The following MAPT variants were observed in gnomAD, a reference collection of about 807,000 sequenced individuals.
MAPT encodes microtubule associated protein tau, also known as microtubule-associated protein tau.
In MAPT, 34 loss-of-function variants were observed where a neutral mutation model predicts 67.9. That is an observed-to-expected ratio of 0.50 (90% confidence interval 0.38 to 0.67). MAPT has a LOEUF of 0.67. Ranked by LOEUF, MAPT falls within the 30% of genes least tolerant of loss-of-function variation. The pLI is 0.00. For missense variants in MAPT, 881 were observed against 1,115.2 expected (o/e 0.79, Z 2.99); for synonymous variants, 456 against 464.5 (o/e 0.98, Z 0.23).
chr17:45,970,227 T>C (rs1391300467), intron 2 of MAPT, among the ~76,000 whole-genome samples: 1 of 152,238 alleles, frequency 6.6e-6, no homozygotes, highest in East Asian at 1.9e-4. Context: ...CATCCAATTA[T>C]ACCTCCATCC....
chr17:45,928,685 TA>T (rs2066576754), intron 1 of MAPT, among the ~76,000 whole-genome samples: 1 of 152,056 alleles, frequency 6.6e-6, no homozygotes, highest in African/African-American at 2.4e-5. Flanking sequence ...TACATATATA[TA>T]TTTTGTTTGT....
At chr17:45,985,972 G>T (rs2145689829) in intron 5 of MAPT, among the ~76,000 whole-genome samples, 1 of 152,320 alleles carries the variant, frequency 6.6e-6, no homozygotes, top group African/African-American at 2.4e-5. Flanking sequence ...GGGGTAGAGG[G>T]AATGTGATAT....
intron 7 of MAPT, chr17:45,990,575 C>A: frequency 2.5e-6 from 1 of 396,772 alleles, no homozygotes; most frequent in Non-Finnish European, 5.0e-6. Context: ...CCAGCTTGGG[C>A]GACAGAGCAA....
At position 46,002,777 on chromosome 17, in the gene MAPT, T is replaced by G. The variant is rs532353438; in HGVS notation, c.1998+6113T>G. 5.3e-5 allele frequency among the ~76,000 whole-genome samples: 8 copies of G among 152,176 alleles called. No individual in the cohort carries two copies. The East Asian group carries it at 1.5e-3, about 29-fold the overall frequency. On this transcript the variant is annotated intron_variant, in intron 9 of 12. Coordinates refer to ENST00000262410, the MANE Select transcript of MAPT (RefSeq NM_001377265.1). ...CTGGGTGGCTGCTTCCTTCCCTGTGTGTATTGATTTGTTTCTCTTTTTTGA... is the reference window on the plus strand; with the variant it reads ...CTGGGTGGCTGCTTCCTTCCCTGTGGGTATTGATTTGTTTCTCTTTTTTGA...
intron 11 of MAPT, among the ~76,000 whole-genome samples, chr17:46,016,168 G>A (rs2076164738): frequency 6.6e-6 from 1 of 152,192 alleles, no homozygotes; most frequent in Admixed American, 6.5e-5. Flanking sequence ...GGGGTGGGCA[G>A]ATTGCCTGAG....
At chr17:45,959,785 A>G (rs1459322755) in intron 1 of MAPT, among the ~76,000 whole-genome samples, 1 of 152,182 alleles carries the variant, frequency 6.6e-6, no homozygotes, top group African/African-American at 2.4e-5. Flanking sequence ...CCATCTAAAA[A>G]AAAAAAATTA....
chr17:45,970,071 T>A (rs1270925405), intron 2 of MAPT, among the ~76,000 whole-genome samples: 1 of 147,990 alleles, frequency 6.8e-6, no homozygotes, highest in South Asian at 2.1e-4. Flanking sequence ...CATCCATCCA[T>A]TCATCTATCC....
Position 45,914,743 on chromosome 17 carries a change from C to T in MAPT, c.-18+20057C>T, listed in dbSNP as rs2065055362. On this transcript the variant is annotated intron_variant, in intron 1 of 12. Coordinates refer to ENST00000262410, the MANE Select transcript of MAPT (RefSeq NM_001377265.1). ...TTTACCTTTTTTTTTTTTTTTGAGA[C>T]AGGGTCTCTCTCTGTTGCCCAGGCA... Among the ~76,000 whole-genome samples, 3 of 144,562 alleles carry T rather than the reference C, an allele frequency of 2.1e-5. No homozygotes were observed. The South Asian group carries it at 6.5e-4, about 31-fold the overall frequency. The allele number at this position is 144,562 out of a possible 152,430, so 94.8% of individuals were successfully genotyped here.
At chr17:46,018,948 G>T (rs2076353750) in intron 12 of MAPT, among the ~76,000 whole-genome samples, 1 of 152,140 alleles carries the variant, frequency 6.6e-6, no homozygotes, top group South Asian at 2.1e-4. Flanking sequence ...AACCTGGAGA[G>T]GCTGACCAAT....
chr17:45,996,493 C>A lies in MAPT; in HGVS notation c.1827C>A (p.Thr609=). 1 of 1,613,526 alleles carries A rather than the reference C, an allele frequency of 6.2e-7. No individual in the cohort carries two copies. The highest frequency in any genetic ancestry group is 8.5e-7 in the Non-Finnish European group (1 of 1,179,920). Residue 609 remains threonine (T), a synonymous_variant, in exon 9 of 13, where the codon ACC becomes ACA. Transcript: ENST00000262410. The surrounding 1 kb of genome is among the most constrained non-coding windows in gnomAD (Gnocchi z 4.5). Reference sequence around the variant, plus strand: ...GCTCCCGCACCCCGTCCCTTCCAACCCCACCCACCCGGGAGCCCAAGAAGG... The same window carrying A: ...GCTCCCGCACCCCGTCCCTTCCAACACCACCCACCCGGGAGCCCAAGAAGG... ...GSRSRTPSLP[T]PPTREPKKVA...
intron 9 of MAPT, among the ~76,000 whole-genome samples, chr17:46,005,479 G>GCA (rs1359154353): frequency 6.6e-6 from 1 of 152,232 alleles, no homozygotes; most frequent in Admixed American, 6.5e-5. Context: ...TGATCGTCAA[G>GCA]CCTACAGGTG....
At chr17:45,985,663 G>A in intron 5 of MAPT, 2 of 985,396 alleles carry the variant, frequency 2.0e-6, no homozygotes, top group Non-Finnish European at 2.4e-6. Flanking sequence ...TTTCCTGGAG[G>A]AAGTTTGGGA....
rs1204505552 is a variant in MAPT, at chr17:45,962,365, G to A, written c.28G>A (p.Val10Met). 7 of 1,612,274 alleles carry A rather than the reference G, an allele frequency of 4.3e-6. No homozygotes were observed. Among genetic ancestry groups the A allele is most frequent in the African/African-American group, 1.3e-5 (1 of 74,828 alleles). The change falls in exon 2 of 13, where the codon GTG becomes ATG. Residue 10 changes from valine to methionine, a missense_variant. Val to Met is a conservative substitution (Grantham distance 21). Coordinates refer to ENST00000262410, the MANE Select transcript of MAPT (RefSeq NM_001377265.1). The stretch of plus-strand genomic sequence containing the variant: ...GGCTGAGCCCCGCCAGGAGTTCGAA[G>A]TGATGGAAGATCACGCTGGGACGTA... MAEPRQEFE[V>M]MEDHAGTYGL...
At chr17:45,908,810 T>TA (rs201685921) in intron 1 of MAPT, among the ~76,000 whole-genome samples, 2,281 of 152,238 alleles carry the variant, frequency 0.015, 21 homozygotes, top group Non-Finnish European at 0.026. Context: ...CCTCCACATT[T>TA]AAGAAAATCC....
intron 9 of MAPT, chr17:45,999,722 A>C: frequency 7.0e-7 from 1 of 1,418,992 alleles, no homozygotes. Context: ...TGGAGGCAGC[A>C]CGTCCAAATC....
At chr17:45,925,761 AG>A (rs1225082237) in intron 1 of MAPT, among the ~76,000 whole-genome samples, 1 of 147,554 alleles carries the variant, frequency 6.8e-6, no homozygotes, top group Non-Finnish European at 1.5e-5. Context: ...TAGAATGCAC[AG>A]GAAAAAAATG....
At chr17:45,990,489 G>C (rs903536777) in intron 7 of MAPT, 21 of 453,572 alleles carry the variant, frequency 4.6e-5, no homozygotes, top group Admixed American at 4.6e-4. Flanking sequence ...TGGTATGCGT[G>C]GTGGTAATCG....
chr17:45,965,257 T>C (rs1235501416), intron 2 of MAPT, among the ~76,000 whole-genome samples: 1 of 151,690 alleles, frequency 6.6e-6, no homozygotes, highest in African/African-American at 2.4e-5. Context: ...TGGTGAAACC[T>C]CGTCTCTACT....
intron 12 of MAPT, among the ~76,000 whole-genome samples, chr17:46,023,275 T>C (rs2076641734): frequency 6.6e-6 from 1 of 152,256 alleles, no homozygotes; most frequent in Admixed American, 6.5e-5. Flanking sequence ...AGGTTGTTCA[T>C]ACACACCATT....
Sources: gnomAD v4.1 joint callset for allele counts (sites outside exome capture counted in the v4.1 genomes callset) on GRCh38, gnomAD v4.1.1 for gene constraint, Gnocchi (gnomAD v3.1) non-coding constraint, MANE v1.5 for transcripts, NCBI Gene and HGNC (gene_info 2026-07-23, HGNC 2026-07-21) for gene names.